The following PUDP variants were observed in gnomAD, a reference collection of about 807,000 sequenced individuals.
The protein encoded by PUDP is pseudouridine 5'-phosphatase, also known as pseudouridine-5'-phosphatase.
PUDP carries 8 observed loss-of-function variants against 9.4 expected under a neutral mutation model. The observed-to-expected ratio is 0.85, with a 90% confidence interval of 0.50 to 1.53. The LOEUF (loss-of-function observed/expected upper bound fraction) is 1.53, where lower values mean the gene tolerates loss of function less well. Among genes scored for constraint, PUDP ranks in the 40% most tolerant of loss-of-function variants. The pLI is 0.00. For missense variants in PUDP, 188 were observed against 189.7 expected (o/e 0.99, Z 0.05); for synonymous variants, 99 against 80.7 (o/e 1.23, Z -1.22).
intron 3 of PUDP, among the ~76,000 whole-genome samples, chrX:7,063,208 T>C (rs1345313254): frequency 8.9e-6 from 1 of 112,031 alleles, no homozygotes; most frequent in Non-Finnish European, 1.9e-5. Flanking sequence ...TAGTCACTGC[T>C]GGCCTGTCAT....
At chrX:7,075,999 T>A (rs771004257) in intron 3 of PUDP, among the ~76,000 whole-genome samples, 1 of 110,701 alleles carries the variant, frequency 9.0e-6, no homozygotes, top group South Asian at 3.9e-4. Context: ...GGGCTAACCG[T>A]AGGAGTCAGT....
At chrX:7,094,575 C>A (rs1457747005) in intron 2 of PUDP, among the ~76,000 whole-genome samples, 2 of 110,709 alleles carry the variant, frequency 1.8e-5, no homozygotes, top group Non-Finnish European at 3.8e-5. Context: ...CCAGGATGGT[C>A]TCGATCGATC....
chrX:6,757,147 T>C (rs1291951711), intron 3 of PUDP, among the ~76,000 whole-genome samples: 4 of 111,885 alleles, frequency 3.6e-5, no homozygotes, highest in Admixed American at 1.9e-4. Flanking sequence ...TGGATCATTG[T>C]GGGCAGGATT....
At chrX:7,127,086 A>G (rs1932505647) in intron 1 of PUDP, among the ~76,000 whole-genome samples, 1 of 111,838 alleles carries the variant, frequency 8.9e-6, no homozygotes, top group Admixed American at 9.5e-5. Context: ...AAAGTAGCAA[A>G]GTGGGAATTA....
intron 2 of PUDP, among the ~76,000 whole-genome samples, chrX:7,088,368 A>C (rs1931326436): frequency 9.0e-6 from 1 of 111,146 alleles, no homozygotes; most frequent in African/African-American, 3.3e-5. Flanking sequence ...TGATAGTGGG[A>C]CTGAATGGTC....
intron 3 of PUDP, among the ~76,000 whole-genome samples, chrX:6,743,476 C>T (rs1002059680): frequency 4.5e-5 from 5 of 112,050 alleles, no homozygotes; most frequent in Admixed American, 3.8e-4. Context: ...ATTATTAATA[C>T]GTACAACCTG....
chrX:6,843,344 C>A (rs1463483278), intron 3 of PUDP, among the ~76,000 whole-genome samples: 1 of 111,736 alleles, frequency 8.9e-6, no homozygotes, highest in Non-Finnish European at 1.9e-5. Context: ...GCTCCAGTCA[C>A]CCTGATAACT....
intron 3 of PUDP, among the ~76,000 whole-genome samples, chrX:6,832,619 T>C (rs1363848024): frequency 5.4e-5 from 6 of 111,675 alleles, no homozygotes; most frequent in Non-Finnish European, 7.5e-5. Context: ...GTGAAAGAGA[T>C]AGGATGGATA....
intron 1 of PUDP, among the ~76,000 whole-genome samples, chrX:7,008,268 A>C (rs1458001118): frequency 2.7e-5 from 3 of 111,542 alleles, no homozygotes; most frequent in Non-Finnish European, 5.6e-5. Context: ...CTGGCCAAAA[A>C]AATTTTTTTT....
chrX:6,940,543 G>A (rs1041934233), intron 3 of PUDP, among the ~76,000 whole-genome samples: 4 of 111,712 alleles, frequency 3.6e-5, no homozygotes, highest in East Asian at 5.6e-4. Flanking sequence ...TTTTCATGTT[G>A]CAGCTGTTCT....
chrX:6,742,473 T>TA (rs142538063), intron 3 of PUDP, among the ~76,000 whole-genome samples: 1 of 112,546 alleles, frequency 8.9e-6, no homozygotes, highest in Non-Finnish European at 1.9e-5. Flanking sequence ...TGGCCCTTTG[T>TA]AAAAAAATCT....
At chrX:7,099,788 A>G (rs1487122032) in intron 2 of PUDP, among the ~76,000 whole-genome samples, 1 of 111,899 alleles carries the variant, frequency 8.9e-6, no homozygotes, top group Admixed American at 9.4e-5. Context: ...CAAGCCAAAG[A>G]TACACCTCTG....
At chrX:6,770,486 G>GT (rs1925346578) in intron 3 of PUDP, among the ~76,000 whole-genome samples, 1 of 111,912 alleles carries the variant, frequency 8.9e-6, no homozygotes, top group South Asian at 3.7e-4. Context: ...TTTTTTGTTT[G>GT]TTTTTTGTTT....
intron 3 of PUDP, among the ~76,000 whole-genome samples, chrX:6,898,658 C>A (rs1363975662): frequency 2.7e-5 from 3 of 112,453 alleles, no homozygotes; most frequent in African/African-American, 9.7e-5. Flanking sequence ...AGCAGCAAAA[C>A]AGCCACAGGC....
intron 3 of PUDP, among the ~76,000 whole-genome samples, chrX:6,744,687 A>AG (rs900502849): frequency 9.0e-6 from 1 of 111,250 alleles, no homozygotes; most frequent in Non-Finnish European, 1.9e-5. Context: ...GGTATTTCCC[A>AG]GGGGGGCGAA....
rs143133376 is a variant in PUDP at position 7,125,585 on chromosome X, C to T, written c.62-19747G>A. On this transcript the variant is annotated intron_variant, in intron 1 of 3. Transcript: ENST00000381077. ...TTTTCAGTGAAGGTGACAGGCCCTC[C>T]GCTACCCTTCCATTTCTATCTGTAT... Among the ~76,000 whole-genome samples, 97 of 111,723 alleles carry T rather than the reference C, an allele frequency of 8.7e-4. 1 individual carries two copies. In the East Asian group the frequency reaches 0.018, roughly 21 times the overall value.
chrX:6,706,441 C>A (rs1924470104), exon 2 of PUDP: 1 of 111,779 alleles, frequency 8.9e-6, no homozygotes, highest in South Asian at 3.8e-4. Context: ...GCACTCCAGT[C>A]TGGGTGATAG....
intron 1 of PUDP, among the ~76,000 whole-genome samples, chrX:7,043,009 A>C (rs932674552): frequency 1.8e-5 from 2 of 111,748 alleles, no homozygotes; most frequent in Non-Finnish European, 3.8e-5. Flanking sequence ...GGCTGTGAAC[A>C]CCGGCCACCC....
At chrX:6,859,726 C>T (rs1336044814) in intron 3 of PUDP, among the ~76,000 whole-genome samples, 4 of 111,231 alleles carry the variant, frequency 3.6e-5, no homozygotes, top group Non-Finnish European at 7.5e-5. Flanking sequence ...TCCTATGGCC[C>T]CACCCAGAGG....
Sources: gnomAD v4.1 joint callset for allele counts (sites outside exome capture counted in the v4.1 genomes callset) on GRCh38, gnomAD v4.1.1 for gene constraint, MANE v1.5 for transcripts, NCBI Gene and HGNC (gene_info 2026-07-23, HGNC 2026-07-21) for gene names.